DTNB: variants seen among roughly 807,000 people sequenced by gnomAD.
The protein encoded by DTNB is DTN-B.
In DTNB, 63 loss-of-function variants were observed where a neutral mutation model predicts 90.7. The ratio of observed to expected loss-of-function variants is 0.69; its 90% CI spans 0.57 to 0.86. The LOEUF (loss-of-function observed/expected upper bound fraction) is 0.86, where lower values mean the gene tolerates loss of function less well. DTNB is among the 40% of genes least tolerant of loss of function. The pLI, the probability that DTNB is intolerant of heterozygous loss-of-function variation, is 0.00. For missense variants in DTNB, 744 were observed against 807.1 expected (o/e 0.92, Z 0.95); for synonymous variants, 277 against 286.7 (o/e 0.97, Z 0.34).
intron 10 of DTNB, among the ~76,000 whole-genome samples, chr2:25,459,784 G>T (rs891871557): frequency 3.3e-5 from 5 of 151,982 alleles, no homozygotes; most frequent in African/African-American, 9.7e-5. Context: ...GTGAATCACC[G>T]CACCCGGCCC....
At chr2:25,602,952 G>T (rs902271234) in intron 5 of DTNB, among the ~76,000 whole-genome samples, 1 of 152,080 alleles carries the variant, frequency 6.6e-6, no homozygotes, top group African/African-American at 2.4e-5. Context: ...TTTCATATAA[G>T]TGTTGCAATA....
At position 25,628,051 on chromosome 2, in the gene DTNB, A is replaced by C. The variant is rs1006592255; in HGVS notation, c.362+120T>G. 9.3e-5 allele frequency: 101 copies of C among 1,088,228 alleles called. No homozygotes were observed. In the African/African-American group the frequency reaches 1.5e-3, roughly 16 times the overall value. 67.4% of individuals were successfully genotyped at this position (1,088,228 alleles called of 1,614,324 possible). A position where few individuals can be genotyped will look rare whatever the true frequency, so the allele number is the denominator to read the frequency against. ...GTGCCCAGCCAATAATTTCCCTTTT[A>C]ATCATGATTCTAAGTTGCCAGCTTA... On this transcript the variant is annotated intron_variant, in intron 4 of 20. Coordinates refer to ENST00000406818, the MANE Select transcript of DTNB (RefSeq NM_021907.5).
intron 7 of DTNB, among the ~76,000 whole-genome samples, chr2:25,579,760 T>C (rs1266609344): frequency 6.6e-6 from 1 of 152,110 alleles, no homozygotes; most frequent in Non-Finnish European, 1.5e-5. Context: ...CTTGGCTATT[T>C]TTCTTTAAAT....
intron 5 of DTNB, among the ~76,000 whole-genome samples, chr2:25,601,767 G>A (rs1457479332): frequency 1.3e-5 from 2 of 152,134 alleles, no homozygotes; most frequent in Admixed American, 6.5e-5. Context: ...ACACACATCT[G>A]TATGTTGATA....
chr2:25,500,660 A>T (rs2070370113), intron 9 of DTNB, among the ~76,000 whole-genome samples: 1 of 152,208 alleles, frequency 6.6e-6, no homozygotes, highest in Non-Finnish European at 1.5e-5. Flanking sequence ...TCAGCTGCAG[A>T]AGTAGTCCAG....
chr2:25,624,369 G>C (rs1477708804), intron 4 of DTNB, among the ~76,000 whole-genome samples: 2 of 152,166 alleles, frequency 1.3e-5, no homozygotes, highest in African/African-American at 2.4e-5. Flanking sequence ...ACTTCTGCTC[G>C]GTGTTCAAAG....
chr2:25,528,984 C>G (rs1209352979), intron 9 of DTNB, among the ~76,000 whole-genome samples: 1 of 152,156 alleles, frequency 6.6e-6, no homozygotes, highest in Admixed American at 6.5e-5. Context: ...TCTTTAGATT[C>G]AGTGAATCTC....
intron 9 of DTNB, among the ~76,000 whole-genome samples, chr2:25,496,519 C>T (rs1414920236): frequency 1.3e-5 from 2 of 152,136 alleles, no homozygotes; most frequent in South Asian, 2.1e-4. Context: ...AGATGACAGG[C>T]TGACTCTCAC....
chr2:25,448,539 T>C (rs766728595), intron 12 of DTNB, among the ~76,000 whole-genome samples: 22 of 152,202 alleles, frequency 1.4e-4, no homozygotes, highest in Admixed American at 3.9e-4. Context: ...TTTGTTTTAA[T>C]TGAGATATAA....
intron 3 of DTNB, among the ~76,000 whole-genome samples, chr2:25,631,080 T>A (rs1573709627): frequency 6.6e-6 from 1 of 151,910 alleles, no homozygotes; most frequent in Non-Finnish European, 1.5e-5. Flanking sequence ...TGTTAATGGG[T>A]ATGTGGTTTG....
At chr2:25,500,942 G>A (rs2070490491) in intron 9 of DTNB, among the ~76,000 whole-genome samples, 2 of 152,336 alleles carry the variant, frequency 1.3e-5, no homozygotes, top group African/African-American at 2.4e-5. Flanking sequence ...CACTTTTGAG[G>A]AGGCTGGAAG....
In DTNB at chr2:25,652,640, GTT is replaced by G. The variant is rs2081186868; in HGVS notation, c.19_20del (p.Asn7GlnfsTer21). ...TCTTCTCTGCCATGGTCTTCCGCTT[GTT>G]CCCACTTTCCTCAATCATCCTAGAG... Reference protein sequence around the residue: MIEESGNKRKTMAEKRQ... With the variant: MIEESGXKRKTMAEKRQ... On this transcript the variant is annotated frameshift_variant, in exon 2 of 21. Coordinates refer to ENST00000406818, the MANE Select transcript of DTNB (RefSeq NM_021907.5). LOFTEE classifies it high-confidence loss of function. The G allele has an allele frequency of 6.2e-7, 1 of 1,611,934 alleles. No homozygotes were observed. The highest frequency in any genetic ancestry group is 1.3e-5 in the African/African-American group (1 of 74,548).
chr2:25,499,625 T>C (rs1417518208), intron 9 of DTNB, among the ~76,000 whole-genome samples: 1 of 152,244 alleles, frequency 6.6e-6, no homozygotes. Flanking sequence ...GTCCCTGCTA[T>C]ATTCTCTCAT....
chr2:25,632,502 T>C (rs1201323626), intron 3 of DTNB, among the ~76,000 whole-genome samples: 4 of 152,198 alleles, frequency 2.6e-5, no homozygotes, highest in Non-Finnish European at 4.4e-5. Flanking sequence ...TAAGAGGTCA[T>C]TGAGTCATGA....
intron 16 of DTNB, among the ~76,000 whole-genome samples, chr2:25,409,056 A>C (rs1235418239): frequency 1.3e-5 from 2 of 152,232 alleles, no homozygotes; most frequent in Non-Finnish European, 2.9e-5. Context: ...TCAGGGATGC[A>C]GCTGATGTTT....
intron 2 of DTNB, among the ~76,000 whole-genome samples, chr2:25,644,960 T>C (rs1438984874): frequency 2.0e-5 from 3 of 151,662 alleles, no homozygotes; most frequent in African/African-American, 7.3e-5. Flanking sequence ...TCTCAGTGGG[T>C]GAACTAGGAA....
Position 25,531,485 on chromosome 2 carries a change from A to C in DTNB, c.989T>G (p.Leu330Arg). The C allele has an allele frequency of 6.2e-7, 1 of 1,613,904 alleles. No individual in the cohort carries two copies. The highest frequency in any genetic ancestry group is 1.6e-4 in the Middle Eastern group (1 of 6,062). The stretch of plus-strand genomic sequence containing the variant: ...GGGGTATACTTACACTATATGTGCA[A>C]GGTCAAGTGGTTTCTCTGGTTGCTC... ...FPEQPEKPLD[L>R]AHIVPPRPLT... Residue 330 changes from leucine to arginine, a missense_variant, in exon 9 of 21, where the codon CTT becomes CGT. By Grantham distance (102) the Leu-to-Arg change is moderately radical. Coordinates refer to ENST00000406818, the MANE Select transcript of DTNB (RefSeq NM_021907.5).
chr2:25,399,721 T>G (rs2043239651), intron 16 of DTNB, among the ~76,000 whole-genome samples: 1 of 152,234 alleles, frequency 6.6e-6, no homozygotes, highest in Admixed American at 6.5e-5. Flanking sequence ...CAAGGGACCC[T>G]CCCCTGCATT....
intron 8 of DTNB, among the ~76,000 whole-genome samples, chr2:25,570,867 A>T (rs1210840483): frequency 1.3e-5 from 2 of 152,168 alleles, no homozygotes; most frequent in East Asian, 3.8e-4. Flanking sequence ...TTTTAAATAT[A>T]CGCCATTGAC....
Sources: allele counts gnomAD v4.1 joint callset (sites outside exome capture counted in the v4.1 genomes callset), GRCh38; gene constraint gnomAD v4.1.1; transcripts MANE v1.5; gene names NCBI Gene and HGNC (gene_info 2026-07-23, HGNC 2026-07-21).